Variants in NR2F1-AS1 observed in about 807,000 individuals in gnomAD.
The protein encoded by NR2F1-AS1 is NR2F1 antisense RNA 1.
At chr5:93,507,421 G>A (rs905739805) in intron 4 of NR2F1-AS1, among the ~76,000 whole-genome samples, 2 of 152,028 alleles carry the variant, frequency 1.3e-5, no homozygotes, top group Non-Finnish European at 2.9e-5. Context: ...GCAATGGCAC[G>A]ATCTCGGCTC....
chr5:93,550,501 C>T (rs1752201700), intron 4 of NR2F1-AS1, among the ~76,000 whole-genome samples: 1 of 152,186 alleles, frequency 6.6e-6, no homozygotes. Context: ...TTCTCTATCA[C>T]GCATTTTTTA....
chr5:93,469,003 T>C (rs1358900426), intron 4 of NR2F1-AS1, among the ~76,000 whole-genome samples: 3 of 152,212 alleles, frequency 2.0e-5, no homozygotes, highest in Non-Finnish European at 2.9e-5. Flanking sequence ...TCCACTGATG[T>C]ATATGTCACC....
At chr5:93,521,266 C>A (rs988797359) in intron 4 of NR2F1-AS1, among the ~76,000 whole-genome samples, 5 of 152,014 alleles carry the variant, frequency 3.3e-5, no homozygotes, top group Admixed American at 2.0e-4. Context: ...TATAAAAATC[C>A]TGTAAGACAA....
chr5:93,524,341 GA>G (rs1031085321), intron 4 of NR2F1-AS1, among the ~76,000 whole-genome samples: 1 of 152,098 alleles, frequency 6.6e-6, no homozygotes, highest in Non-Finnish European at 1.5e-5. Context: ...AAGCCTCCAA[GA>G]AATAGGGGAC....
At chr5:93,453,438 T>C (rs1044906910) in intron 4 of NR2F1-AS1, among the ~76,000 whole-genome samples, 1 of 151,820 alleles carries the variant, frequency 6.6e-6, no homozygotes, top group Non-Finnish European at 1.5e-5. Flanking sequence ...AAATAACAGA[T>C]GCAAATCAGC....
intron 4 of NR2F1-AS1, among the ~76,000 whole-genome samples, chr5:93,440,755 C>T (rs1749551175): frequency 6.6e-6 from 1 of 152,184 alleles, no homozygotes; most frequent in Non-Finnish European, 1.5e-5. Flanking sequence ...TGATGTTTTC[C>T]CTAATTTCAA....
At chr5:93,433,691 T>C (rs886711820) in intron 4 of NR2F1-AS1, among the ~76,000 whole-genome samples, 3 of 152,232 alleles carry the variant, frequency 2.0e-5, no homozygotes, top group South Asian at 2.1e-4. Context: ...CATTGCTCAA[T>C]GCTTTTGACT....
At chr5:93,499,556 T>C (rs1751035613) in intron 4 of NR2F1-AS1, among the ~76,000 whole-genome samples, 1 of 152,152 alleles carries the variant, frequency 6.6e-6, no homozygotes, top group South Asian at 2.1e-4. Flanking sequence ...AATGTACACA[T>C]TCTGACTGCT....
At chr5:93,416,984 A>G (rs1748981265) in intron 4 of NR2F1-AS1, among the ~76,000 whole-genome samples, 1 of 152,206 alleles carries the variant, frequency 6.6e-6, no homozygotes, top group African/African-American at 2.4e-5. Flanking sequence ...CAACAACCTC[A>G]TAAAGTAGAT....
intron 4 of NR2F1-AS1, among the ~76,000 whole-genome samples, chr5:93,533,703 G>C (rs1016570738): frequency 6.6e-6 from 1 of 152,132 alleles, no homozygotes; most frequent in African/African-American, 2.4e-5. Context: ...ACCACTCTAT[G>C]AGATAGATAT....
chr5:93,457,965 GTAGACATAC>G (rs1420124687), intron 4 of NR2F1-AS1, among the ~76,000 whole-genome samples: 1 of 152,166 alleles, frequency 6.6e-6, no homozygotes, highest in Non-Finnish European at 1.5e-5. Flanking sequence ...AAGGCTGACT[GTAGACATAC>G]TCGGGAATCT....
At chr5:93,477,265 AAT>A (rs1191585116) in intron 4 of NR2F1-AS1, among the ~76,000 whole-genome samples, 1 of 152,200 alleles carries the variant, frequency 6.6e-6, no homozygotes, top group East Asian at 1.9e-4. Context: ...CAGAGAAAGT[AAT>A]ATTAAACTGA....
chr5:93,574,752 A>G (rs1752858629), intron 1 of NR2F1-AS1, among the ~76,000 whole-genome samples: 1 of 152,022 alleles, frequency 6.6e-6, no homozygotes, highest in African/African-American at 2.4e-5. Flanking sequence ...CAACAGGTCC[A>G]GGATTTGTGC....
intron 4 of NR2F1-AS1, among the ~76,000 whole-genome samples, chr5:93,549,317 T>C (rs531320572): frequency 6.6e-6 from 1 of 152,276 alleles, no homozygotes; most frequent in African/African-American, 2.4e-5. Flanking sequence ...AAATATATCC[T>C]TATAAAGACA....
At chr5:93,567,218 GA>G (rs1338825774) in intron 1 of NR2F1-AS1, among the ~76,000 whole-genome samples, 1 of 152,018 alleles carries the variant, frequency 6.6e-6, no homozygotes, top group East Asian at 1.9e-4. Context: ...CAATCACATA[GA>G]CAACACCTTT....
intron 4 of NR2F1-AS1, among the ~76,000 whole-genome samples, chr5:93,457,168 GGGCTGGGGAACGGTCA>G (rs1266030058): frequency 3.9e-5 from 6 of 152,098 alleles, no homozygotes; most frequent in African/African-American, 1.4e-4. Context: ...TACGGGTGTC[GGGCTGGGGAACGGTCA>G]GGTCTTTCCC....
intron 4 of NR2F1-AS1, among the ~76,000 whole-genome samples, chr5:93,463,404 T>C (rs1750144896): frequency 6.6e-6 from 1 of 152,166 alleles, no homozygotes; most frequent in African/African-American, 2.4e-5. Flanking sequence ...AGAAGTTTGC[T>C]GTGAGGTGGG....
chr5:93,525,276 A>G (rs1207036043), intron 4 of NR2F1-AS1, among the ~76,000 whole-genome samples: 2 of 152,228 alleles, frequency 1.3e-5, no homozygotes, highest in African/African-American at 2.4e-5. Flanking sequence ...GCATTACATA[A>G]TGGTAAAAGA....
At chr5:93,480,072 T>C (rs925440110) in intron 4 of NR2F1-AS1, among the ~76,000 whole-genome samples, 10 of 152,044 alleles carry the variant, frequency 6.6e-5, no homozygotes, top group Non-Finnish European at 1.0e-4. Context: ...ATACACATTA[T>C]GGGTTACAGA....
Sources: allele counts gnomAD v4.1 joint callset (sites outside exome capture counted in the v4.1 genomes callset), GRCh38; gene constraint gnomAD v4.1.1; transcripts MANE v1.5; gene names NCBI Gene and HGNC (gene_info 2026-07-23, HGNC 2026-07-21).